HTR1F: variants seen among roughly 807,000 people sequenced by gnomAD.
The protein encoded by HTR1F is 5-hydroxytryptamine receptor 1F.
HTR1F carries 17 observed loss-of-function variants against 24.0 expected under a neutral mutation model. The observed-to-expected ratio is 0.71, with a 90% CI of 0.48 to 1.06. HTR1F has a LOEUF of 1.06. Among genes scored for constraint, HTR1F ranks in the 50% least tolerant of loss-of-function variants. The probability of loss-of-function intolerance (pLI) is 0.00; values close to 1 mark genes in which losing one functional copy is unlikely to be tolerated. For missense variants in HTR1F, 391 were observed against 427.8 expected, an observed-to-expected ratio of 0.91 and a Z score of 0.76; for synonymous variants, 186 against 156.8, an observed-to-expected ratio of 1.19 and a Z score of -1.39.
chr3:87,852,043 A>G (rs890596450), intron 2 of HTR1F, among the ~76,000 whole-genome samples: 1 of 151,288 alleles, frequency 6.6e-6, no homozygotes, highest in African/African-American at 2.4e-5. Context: ...CCCACTAGCA[A>G]TAAGGATTAT....
At chr3:87,942,743 T>TC (rs1704600976) in intron 2 of HTR1F, among the ~76,000 whole-genome samples, 1 of 150,834 alleles carries the variant, frequency 6.6e-6, no homozygotes, top group Admixed American at 6.6e-5. Context: ...GGTGGCCTTT[T>TC]TTTTTTTTAT....
chr3:87,931,510 C>T (rs967251035), intron 2 of HTR1F, among the ~76,000 whole-genome samples: 10 of 152,168 alleles, frequency 6.6e-5, no homozygotes, highest in South Asian at 6.2e-4. Context: ...AATAAACATA[C>T]GTGTGCATGT....
At chr3:87,968,865 A>T (rs1244318732) in intron 2 of HTR1F, among the ~76,000 whole-genome samples, 3 of 152,214 alleles carry the variant, frequency 2.0e-5, no homozygotes, top group Non-Finnish European at 2.9e-5. Flanking sequence ...TTCCTGGGCT[A>T]GGCCAAGGGC....
chr3:87,970,206 A>C (rs1374186450), intron 2 of HTR1F, among the ~76,000 whole-genome samples: 3 of 152,242 alleles, frequency 2.0e-5, no homozygotes, highest in Admixed American at 1.3e-4. Context: ...AGTTGGAGTT[A>C]ATTAACCAAG....
intron 2 of HTR1F, among the ~76,000 whole-genome samples, chr3:87,946,146 C>G (rs779684928): frequency 1.3e-5 from 2 of 152,298 alleles, no homozygotes; most frequent in African/African-American, 4.8e-5. Flanking sequence ...TTAGCCCAAT[C>G]GGGAGCGGCA....
intron 2 of HTR1F, among the ~76,000 whole-genome samples, chr3:87,981,945 T>TA (rs1576119337): frequency 6.6e-6 from 1 of 151,906 alleles, no homozygotes; most frequent in African/African-American, 2.4e-5. Flanking sequence ...TTCTTTCTTT[T>TA]TTTTTTATGT....
intron 2 of HTR1F, among the ~76,000 whole-genome samples, chr3:87,846,698 G>C (rs929865034): frequency 6.6e-6 from 1 of 151,810 alleles, no homozygotes; most frequent in African/African-American, 2.4e-5. Context: ...GACACTATTC[G>C]GTAATATAAT....
At chr3:87,837,382 A>G (rs777598184) in intron 2 of HTR1F, among the ~76,000 whole-genome samples, 3 of 152,142 alleles carry the variant, frequency 2.0e-5, no homozygotes, top group Non-Finnish European at 4.4e-5. Flanking sequence ...TAACAGTGCC[A>G]ACAGGACAGA....
intron 2 of HTR1F, among the ~76,000 whole-genome samples, chr3:87,858,587 G>A (rs1275000881): frequency 6.6e-6 from 1 of 151,806 alleles, no homozygotes; most frequent in East Asian, 1.9e-4. Flanking sequence ...TTATGGATGT[G>A]GTTGATTCAA....
intron 1 of HTR1F, among the ~76,000 whole-genome samples, chr3:87,816,229 T>C (rs1275213343): frequency 6.6e-6 from 1 of 152,112 alleles, no homozygotes; most frequent in Non-Finnish European, 1.5e-5. Flanking sequence ...CATCCTGTCT[T>C]ATCACTTGGC....
intron 2 of HTR1F, among the ~76,000 whole-genome samples, chr3:87,829,270 T>C (rs1460148708): frequency 6.6e-6 from 1 of 152,116 alleles, no homozygotes; most frequent in Non-Finnish European, 1.5e-5. Context: ...TTCATGAAAA[T>C]TATCCACCAA....
chr3:87,965,409 A>G (rs1705143233), intron 2 of HTR1F, among the ~76,000 whole-genome samples: 1 of 152,182 alleles, frequency 6.6e-6, no homozygotes, highest in African/African-American at 2.4e-5. Context: ...TTTCATATAT[A>G]TTGCAAAACT....
Position 87,839,488 on chromosome 3 carries a change from G to A in HTR1F, c.-43+17364G>A, listed in dbSNP as rs556342439. Among the ~76,000 whole-genome samples the A allele has an allele frequency of 2.6e-4, 39 of 152,204 alleles. No individual in the cohort carries two copies. The South Asian group carries it at 6.8e-3, about 27-fold the overall frequency. On this transcript the variant is annotated intron_variant, in intron 2 of 2. Coordinates refer to ENST00000319595, the MANE Select transcript of HTR1F (RefSeq NM_001322209.2). Reference sequence around the variant, plus strand: ...GTAATATATTTTCATGTTGGATAGTGTGATGCTTCCTACTTCGCTCTTTTC... The same window carrying A: ...GTAATATATTTTCATGTTGGATAGTATGATGCTTCCTACTTCGCTCTTTTC...
chr3:87,817,426 A>T (rs563296529), intron 1 of HTR1F, among the ~76,000 whole-genome samples: 2 of 152,324 alleles, frequency 1.3e-5, no homozygotes, highest in South Asian at 4.1e-4. Context: ...AATAAACATG[A>T]TCAGAAGCAA....
intron 2 of HTR1F, among the ~76,000 whole-genome samples, chr3:87,978,737 G>A (rs1705454332): frequency 6.7e-6 from 1 of 148,352 alleles, no homozygotes; most frequent in Non-Finnish European, 1.5e-5. Flanking sequence ...GAAGAAGTGA[G>A]TGCTGATTGG....
intron 2 of HTR1F, among the ~76,000 whole-genome samples, chr3:87,906,248 T>C: frequency 6.6e-6 from 1 of 152,074 alleles, no homozygotes; most frequent in Non-Finnish European, 1.5e-5. Flanking sequence ...TATAAGGCCT[T>C]ATGTGAAACT....
chr3:87,851,619 T>C (rs919783854), intron 2 of HTR1F, among the ~76,000 whole-genome samples: 1 of 151,694 alleles, frequency 6.6e-6, no homozygotes, highest in Non-Finnish European at 1.5e-5. Context: ...TAATATTCCA[T>C]GCTGTTGATA....
At chr3:87,971,636 CTG>C (rs1705288010) in intron 2 of HTR1F, among the ~76,000 whole-genome samples, 1 of 152,178 alleles carries the variant, frequency 6.6e-6, no homozygotes. Flanking sequence ...TCTCTCCAAA[CTG>C]TTTCCTTAGA....
At chr3:87,832,012 A>C (rs1219497738) in intron 2 of HTR1F, among the ~76,000 whole-genome samples, 1 of 152,184 alleles carries the variant, frequency 6.6e-6, no homozygotes, top group Non-Finnish European at 1.5e-5. Flanking sequence ...CCCATAAGGA[A>C]ACAGAATTAG....
Sources: gnomAD v4.1 joint callset for allele counts (sites outside exome capture counted in the v4.1 genomes callset) on GRCh38, gnomAD v4.1.1 for gene constraint, MANE v1.5 for transcripts, NCBI Gene and HGNC (gene_info 2026-07-23, HGNC 2026-07-21) for gene names.